Variants in RASEF observed in about 807,000 individuals in gnomAD.
The protein encoded by RASEF is ras and EF-hand domain-containing protein.
In RASEF, 68 loss-of-function variants were observed where a neutral mutation model predicts 90.1. The observed-to-expected ratio is 0.75, with a 90% CI of 0.62 to 0.92. RASEF has a LOEUF of 0.92. Among genes scored for constraint, RASEF ranks in the 40% least tolerant of loss-of-function variants. The pLI is 0.00. For missense variants in RASEF, 949 were observed against 937.2 expected (o/e 1.01, Z -0.16); for synonymous variants, 331 against 345.2 (o/e 0.96, Z 0.46).
At chr9:83,060,838 C>T (rs546422952) in intron 1 of RASEF, among the ~76,000 whole-genome samples, 11 of 152,044 alleles carry the variant, frequency 7.2e-5, no homozygotes, top group Admixed American at 3.9e-4. Flanking sequence ...CAGGTGACAC[C>T]GGTGCCCATT....
At chr9:83,150,486 G>A in the RASEF span, among the ~76,000 whole-genome samples, 2 of 152,058 alleles carry the variant, frequency 1.3e-5, no homozygotes, top group Admixed American at 1.3e-4. Flanking sequence ...TCTGTGTCAG[G>A]AACAGGAGAC....
intron 1 of RASEF, among the ~76,000 whole-genome samples, chr9:83,027,183 C>T (rs890178566): frequency 1.3e-5 from 2 of 152,168 alleles, no homozygotes; most frequent in African/African-American, 4.8e-5. Flanking sequence ...AACACCCTCC[C>T]AGCTCCTCAG....
At chr9:83,144,367 G>GA in the RASEF span, among the ~76,000 whole-genome samples, 5 of 36,132 alleles carry the variant, frequency 1.4e-4, no homozygotes, top group African/African-American at 2.6e-4. Flanking sequence ...AAGAAAGAAA[G>GA]AAAGAAAGAA....
chr9:83,138,110 C>T, the RASEF span, among the ~76,000 whole-genome samples: 6 of 151,836 alleles, frequency 4.0e-5, no homozygotes, highest in African/African-American at 1.2e-4. Flanking sequence ...TGGTACTTCA[C>T]GTTAATCTGC....
the RASEF span, among the ~76,000 whole-genome samples, chr9:83,143,458 C>T: frequency 7.9e-5 from 12 of 151,948 alleles, no homozygotes; most frequent in African/African-American, 2.9e-4. Flanking sequence ...AAACAGCCAA[C>T]AAACACATGA....
the RASEF span, among the ~76,000 whole-genome samples, chr9:83,148,486 G>T: frequency 6.6e-6 from 1 of 152,064 alleles, no homozygotes; most frequent in African/African-American, 2.4e-5. Context: ...GCCAAGAAAA[G>T]CCAGAGATTG....
At position 83,034,787 on chromosome 9, in the gene RASEF, T is replaced by C. The variant is rs1125752; in HGVS notation, c.432-8866A>G. 6.2e-3 allele frequency among the ~76,000 whole-genome samples: 937 copies of C among 152,346 alleles called. 6 individuals carry two copies. Among genetic ancestry groups the C allele is most frequent in the Non-Finnish European group, 7.8e-3 (531 of 68,030 alleles). On this transcript the variant is annotated intron_variant, in intron 1 of 16. Coordinates refer to ENST00000376447, the MANE Select transcript of RASEF (RefSeq NM_152573.4). ...TGCTTCCTCCACCACATCTGCTTTATGACTCAGAGCCAAACACTTCACCTC... is the reference window on the plus strand; with the variant it reads ...TGCTTCCTCCACCACATCTGCTTTACGACTCAGAGCCAAACACTTCACCTC...
At chr9:83,100,499 A>G in the RASEF span, among the ~76,000 whole-genome samples, 1 of 152,172 alleles carries the variant, frequency 6.6e-6, no homozygotes, top group Non-Finnish European at 1.5e-5. Flanking sequence ...CTCTAAATTC[A>G]CAGAATATTA....
At chr9:83,038,829 C>A (rs1264444858) in intron 1 of RASEF, among the ~76,000 whole-genome samples, 5 of 151,980 alleles carry the variant, frequency 3.3e-5, no homozygotes, top group Non-Finnish European at 5.9e-5. Flanking sequence ...CAAACAAGTC[C>A]TGGTTTAGGG....
chr9:83,088,091 G>T, the RASEF span, among the ~76,000 whole-genome samples: 1 of 152,006 alleles, frequency 6.6e-6, no homozygotes, highest in African/African-American at 2.4e-5. Flanking sequence ...ATTGTGGTCA[G>T]AAAACATACT....
At chr9:83,114,867 T>C in the RASEF span, among the ~76,000 whole-genome samples, 1 of 152,246 alleles carries the variant, frequency 6.6e-6, no homozygotes, top group African/African-American at 2.4e-5. Context: ...CCTGTGGTCC[T>C]GTGATCTCAC....
At chr9:83,193,815 C>T in the RASEF span, among the ~76,000 whole-genome samples, 44,480 of 151,974 alleles carry the variant, frequency 0.29, 8,702 homozygotes, top group East Asian at 0.57. Context: ...GTGAAACATC[C>T]AGAATAAAGC....
the RASEF span, among the ~76,000 whole-genome samples, chr9:83,099,407 C>A: frequency 6.6e-6 from 1 of 152,118 alleles, no homozygotes; most frequent in Non-Finnish European, 1.5e-5. Context: ...AAATCATAGG[C>A]GAGATCCTGT....
chr9:83,160,692 G>A, the RASEF span, among the ~76,000 whole-genome samples: 1 of 152,176 alleles, frequency 6.6e-6, no homozygotes, highest in Admixed American at 6.5e-5. Flanking sequence ...AGATAATGGG[G>A]AAAATGTCTC....
chr9:83,188,902 T>C, the RASEF span, among the ~76,000 whole-genome samples: 2 of 152,152 alleles, frequency 1.3e-5, no homozygotes, highest in Non-Finnish European at 2.9e-5. Flanking sequence ...TGTCCACAAA[T>C]ATTACTATGT....
chr9:83,092,948 G>A, the RASEF span, among the ~76,000 whole-genome samples: 847 of 152,218 alleles, frequency 5.6e-3, 5 homozygotes, highest in Non-Finnish European at 9.6e-3. Flanking sequence ...GCTAGACACA[G>A]GGTGCTGATT....
At chr9:83,122,121 C>A in the RASEF span, among the ~76,000 whole-genome samples, 2 of 152,088 alleles carry the variant, frequency 1.3e-5, no homozygotes, top group African/African-American at 4.8e-5. Context: ...TGGTGAGGTG[C>A]CTTGTGGCTC....
the RASEF span, among the ~76,000 whole-genome samples, chr9:83,206,350 A>G: frequency 6.6e-6 from 1 of 152,162 alleles, no homozygotes; most frequent in Non-Finnish European, 1.5e-5. Context: ...GCAAATTTCT[A>G]TTTTCTAATG....
chr9:83,196,221 T>A, the RASEF span, among the ~76,000 whole-genome samples: 1 of 152,124 alleles, frequency 6.6e-6, no homozygotes, highest in Non-Finnish European at 1.5e-5. Context: ...ACGGTTAATG[T>A]CAGGGCTGCG....
Sources: gnomAD v4.1 joint callset for allele counts (sites outside exome capture counted in the v4.1 genomes callset) on GRCh38, gnomAD v4.1.1 for gene constraint, MANE v1.5 for transcripts, NCBI Gene and HGNC (gene_info 2026-07-23, HGNC 2026-07-21) for gene names.